GBP7: variants seen among roughly 807,000 people sequenced by gnomAD.
The protein encoded by GBP7 is guanylate binding protein 7.
A neutral mutation model predicts 61.3 loss-of-function variants in GBP7; 43 were observed. The observed-to-expected ratio is 0.70, with a 90% CI of 0.55 to 0.91. The LOEUF (loss-of-function observed/expected upper bound fraction) is 0.91, where lower values mean the gene tolerates loss of function less well. Among genes scored for constraint, GBP7 ranks in the 40% least tolerant of loss-of-function variants. The probability of loss-of-function intolerance (pLI) is 0.00; values close to 1 mark genes in which losing one functional copy is unlikely to be tolerated. For synonymous variants in GBP7, 267 were observed against 271.0 expected (o/e 0.99, Z 0.14); for missense variants, 717 against 740.5 (o/e 0.97, Z 0.37).
At chr1:89,155,556 G>A (rs940330661) in intron 3 of GBP7, among the ~76,000 whole-genome samples, 1 of 152,200 alleles carries the variant, frequency 6.6e-6, no homozygotes, top group Non-Finnish European at 1.5e-5. Flanking sequence ...ACTACGTGAT[G>A]CATGCACAAG....
At chr1:89,144,244 A>G (rs1020994327) in intron 8 of GBP7, among the ~76,000 whole-genome samples, 2 of 152,188 alleles carry the variant, frequency 1.3e-5, no homozygotes, top group Non-Finnish European at 2.9e-5. Flanking sequence ...CTCAAGGTGT[A>G]TATGCACCAC....
intron 3 of GBP7, among the ~76,000 whole-genome samples, chr1:89,158,610 A>G (rs1234648651): frequency 6.6e-6 from 1 of 152,202 alleles, no homozygotes; most frequent in East Asian, 1.9e-4. Context: ...CCCATTCACA[A>G]TTGCTTCAAA....
At chr1:89,165,169 G>A (rs780215768) in intron 2 of GBP7, among the ~76,000 whole-genome samples, 13 of 152,130 alleles carry the variant, frequency 8.5e-5, no homozygotes, top group Non-Finnish European at 1.3e-4. Context: ...TGGAACTTCA[G>A]TGAAGTCTGA....
At chr1:89,141,024 A>G (rs934863167) in intron 9 of GBP7, among the ~76,000 whole-genome samples, 1 of 152,176 alleles carries the variant, frequency 6.6e-6, no homozygotes, top group Non-Finnish European at 1.5e-5. Flanking sequence ...AAAGGGACCA[A>G]TAGACACCAG....
chr1:89,146,938 A>C (rs555461462), intron 8 of GBP7, among the ~76,000 whole-genome samples: 1 of 152,346 alleles, frequency 6.6e-6, no homozygotes, highest in South Asian at 2.1e-4. Flanking sequence ...GTTCAAGTAC[A>C]TAGATCAGCC....
chr1:89,158,850 G>GA (rs990595983), intron 3 of GBP7, among the ~76,000 whole-genome samples: 8 of 151,558 alleles, frequency 5.3e-5, no homozygotes, highest in Non-Finnish European at 7.4e-5. Context: ...CACAGAATTG[G>GA]AAAAAAAACT....
chr1:89,175,317 G>C (rs1647711953), intron 1 of GBP7, among the ~76,000 whole-genome samples: 1 of 152,122 alleles, frequency 6.6e-6, no homozygotes, highest in South Asian at 2.1e-4. Context: ...CTGTGATCAT[G>C]ACCCATTTCC....
intron 9 of GBP7, among the ~76,000 whole-genome samples, chr1:89,136,897 T>C (rs1382407237): frequency 6.6e-6 from 1 of 151,836 alleles, no homozygotes; most frequent in Non-Finnish European, 1.5e-5. Context: ...AAGATGGATA[T>C]ACTTCTAGTT....
intron 3 of GBP7, among the ~76,000 whole-genome samples, chr1:89,155,874 T>C (rs1352176794): frequency 6.6e-6 from 1 of 152,066 alleles, no homozygotes; most frequent in South Asian, 2.1e-4. Context: ...AAGATACTCC[T>C]CGAGAAAAGC....
chr1:89,133,512 A>T (rs1053407414), intron 9 of GBP7, 61 bp from the exon 10 acceptor site: 19 of 1,385,582 alleles, frequency 1.4e-5, no homozygotes, highest in Non-Finnish European at 1.8e-5. Flanking sequence ...AAGAACCATC[A>T]TGGCTAAGTA....
chr1:89,167,046 A>G (rs1237207984), intron 2 of GBP7, among the ~76,000 whole-genome samples: 1 of 152,218 alleles, frequency 6.6e-6, no homozygotes, highest in Non-Finnish European at 1.5e-5. Context: ...TGGTATGCAT[A>G]TGGTCCCCTG....
At chr1:89,152,601 G>A in intron 4 of GBP7, 67 bp downstream of exon 4, 2 of 1,531,206 alleles carry the variant, frequency 1.3e-6, no homozygotes, top group Non-Finnish European at 1.8e-6. Context: ...CAACAAAGAA[G>A]ACACAGTATC....
intron 3 of GBP7, among the ~76,000 whole-genome samples, chr1:89,159,920 ATT>A (rs1313235690): frequency 3.3e-5 from 5 of 152,216 alleles, no homozygotes; most frequent in Non-Finnish European, 5.9e-5. Flanking sequence ...ACGTATGTTT[ATT>A]TTGGCACTAT....
intron 7 of GBP7, 103 bp from the exon 8 acceptor site, chr1:89,147,882 C>T: frequency 8.4e-7 from 1 of 1,192,042 alleles, no homozygotes. Flanking sequence ...TCAGAGCAGG[C>T]TGAGTTACGG....
chr1:89,142,193 C>T (rs750101240), intron 8 of GBP7, among the ~76,000 whole-genome samples: 24 of 134,226 alleles, frequency 1.8e-4, no homozygotes, highest in Middle Eastern at 3.7e-3. Flanking sequence ...TTAAAAAGAC[C>T]GAACAGGTAA....
At position 89,164,113 on chromosome 1, in the gene GBP7, A is replaced by T. The variant is rs963361580; in HGVS notation, c.318+618T>A. Among the ~76,000 whole-genome samples, 3 of 152,184 alleles carry T rather than the reference A, an allele frequency of 2.0e-5. No homozygotes were observed. The South Asian group carries it at 6.2e-4, about 32-fold the overall frequency. ...TCGGACTTCTGACCTCAGATGGTCC[A>T]CCCGCCTCGGCCTTGCAAAGTGTTG... On this transcript the variant is annotated intron_variant, in intron 3 of 10. Coordinates refer to ENST00000294671, the MANE Select transcript of GBP7 (RefSeq NM_207398.3).
intron 6 of GBP7, 42 bp downstream of exon 6, chr1:89,150,288 C>T (rs750802589): frequency 1.9e-6 from 3 of 1,577,160 alleles, no homozygotes; most frequent in Non-Finnish European, 1.7e-6. Flanking sequence ...TTTTGAGATA[C>T]AGTAGGCCTC....
chr1:89,166,410 G>A (rs987939303), intron 2 of GBP7, among the ~76,000 whole-genome samples: 1 of 152,172 alleles, frequency 6.6e-6, no homozygotes, highest in Non-Finnish European at 1.5e-5. Context: ...TGTAGTTGAG[G>A]AGTCTGTGAT....
chr1:89,171,953 G>A lies in GBP7; in HGVS notation c.-18C>T, dbSNP rs1647614046. 6.3e-7 allele frequency: 1 copy of A among 1,597,544 alleles called. No homozygotes were observed. Among genetic ancestry groups the A allele is most frequent in the Admixed American group, 1.7e-5 (1 of 58,406 alleles). ...GATGCCATGTTCAGGGCGTTCCTCTGTCTGCAAGGAAAAAATGAAATGGAA... is the reference window on the plus strand; with the variant it reads ...GATGCCATGTTCAGGGCGTTCCTCTATCTGCAAGGAAAAAATGAAATGGAA... On this transcript the variant is annotated splice_region_variant and 5_prime_UTR_variant, in exon 2 of 11. Coordinates refer to ENST00000294671, the MANE Select transcript of GBP7 (RefSeq NM_207398.3).
Sources: gnomAD v4.1 joint callset for allele counts (sites outside exome capture counted in the v4.1 genomes callset) on GRCh38, gnomAD v4.1.1 for gene constraint, MANE v1.5 for transcripts, NCBI Gene and HGNC (gene_info 2026-07-23, HGNC 2026-07-21) for gene names.